The following DLGAP2 variants were observed in gnomAD, a reference collection of about 807,000 sequenced individuals.
The protein encoded by DLGAP2 is disks large-associated protein 2.
DLGAP2 carries 26 observed loss-of-function variants against 100.3 expected under a neutral mutation model. The observed-to-expected ratio is 0.26, with a 90% CI of 0.19 to 0.36. DLGAP2 has a LOEUF of 0.36. Ranked by LOEUF, DLGAP2 falls within the 10% of genes least tolerant of loss-of-function variation. The pLI is 1.00. For missense variants in DLGAP2, 1,858 were observed against 1,453.2 expected (o/e 1.28, Z -4.53); for synonymous variants, 886 against 630.1 (o/e 1.41, Z -6.08).
At chr8:1,505,876 T>C (rs1423366612) in intron 4 of DLGAP2, among the ~76,000 whole-genome samples, 1 of 152,218 alleles carries the variant, frequency 6.6e-6, no homozygotes, top group Non-Finnish European at 1.5e-5. Flanking sequence ...TTTATTTGCA[T>C]CTATGAAGAG....
At chr8:1,153,678 A>G (rs990335834) in intron 2 of DLGAP2, among the ~76,000 whole-genome samples, 2 of 152,230 alleles carry the variant, frequency 1.3e-5, no homozygotes, top group Non-Finnish European at 2.9e-5. Context: ...GAACTAATTC[A>G]TCAAAACTAG....
intron 3 of DLGAP2, among the ~76,000 whole-genome samples, chr8:1,457,586 G>C (rs1270299153): frequency 2.6e-5 from 4 of 152,174 alleles, no homozygotes; most frequent in Non-Finnish European, 5.9e-5. Context: ...TCGCAAACCA[G>C]CTTCATTTTG....
At chr8:1,648,991 G>A (rs1372246529) in intron 8 of DLGAP2, among the ~76,000 whole-genome samples, 2 of 152,188 alleles carry the variant, frequency 1.3e-5, no homozygotes, top group African/African-American at 2.4e-5. Context: ...GCCACCACGA[G>A]GTCATCCTTG....
intron 2 of DLGAP2, among the ~76,000 whole-genome samples, chr8:947,841 C>A (rs1413778360): frequency 6.6e-6 from 1 of 150,520 alleles, no homozygotes. Context: ...CTCCCGACCC[C>A]GTGCCAGCCC....
intron 2 of DLGAP2, among the ~76,000 whole-genome samples, chr8:1,099,720 C>T (rs1585058178): frequency 6.6e-6 from 1 of 152,184 alleles, no homozygotes; most frequent in Non-Finnish European, 1.5e-5. Flanking sequence ...TAAAAGTAGC[C>T]TGACATTTAG....
chr8:900,489 G>A (rs551919749), intron 1 of DLGAP2, among the ~76,000 whole-genome samples: 2 of 152,300 alleles, frequency 1.3e-5, no homozygotes, highest in Admixed American at 6.5e-5. Flanking sequence ...TGGTCTTGCC[G>A]GCATATAATT....
At chr8:1,548,537 G>A (rs1801629725) in intron 4 of DLGAP2, 89 bp from the exon 5 acceptor site, 2 of 1,015,326 alleles carry the variant, frequency 2.0e-6, no homozygotes, top group African/African-American at 1.7e-5. Flanking sequence ...ACTGATTAAT[G>A]AAGTCCACGG....
intron 2 of DLGAP2, among the ~76,000 whole-genome samples, chr8:977,502 T>C (rs1017413547): frequency 6.6e-6 from 1 of 152,236 alleles, no homozygotes; most frequent in Non-Finnish European, 1.5e-5. Context: ...GTAAGGTATA[T>C]TCAAAGCTGC....
intron 1 of DLGAP2, among the ~76,000 whole-genome samples, chr8:808,826 G>C (rs548010806): frequency 1.3e-5 from 2 of 151,506 alleles, no homozygotes; most frequent in South Asian, 2.1e-4. Context: ...TGAAATACTT[G>C]TTTAGCCAGT....
chr8:1,227,153 G>GAGATATATATATAT (rs1554506451), intron 2 of DLGAP2, among the ~76,000 whole-genome samples: 3 of 89,750 alleles, frequency 3.3e-5, no homozygotes, highest in African/African-American at 6.5e-5. Context: ...GAAACTGTGA[G>GAGATATATATATAT]ATATATATAT....
chr8:1,123,124 G>A (rs1464721941), intron 2 of DLGAP2, among the ~76,000 whole-genome samples: 1 of 152,196 alleles, frequency 6.6e-6, no homozygotes, highest in Non-Finnish European at 1.5e-5. Flanking sequence ...CAGAGAATAA[G>A]TTTCGCTCAG....
At chr8:982,377 C>T (rs1310032025) in intron 2 of DLGAP2, among the ~76,000 whole-genome samples, 1 of 152,184 alleles carries the variant, frequency 6.6e-6, no homozygotes, top group African/African-American at 2.4e-5. Flanking sequence ...ATTTTTGTGG[C>T]TTCTTTACTC....
At chr8:1,060,754 G>C (rs1803056527) in intron 2 of DLGAP2, among the ~76,000 whole-genome samples, 1 of 152,176 alleles carries the variant, frequency 6.6e-6, no homozygotes, top group South Asian at 2.1e-4. Flanking sequence ...GCATCCTGTG[G>C]GCTGCCTTTT....
At chr8:789,138 C>T (rs1390326970) in intron 1 of DLGAP2, among the ~76,000 whole-genome samples, 1 of 152,202 alleles carries the variant, frequency 6.6e-6, no homozygotes, top group Non-Finnish European at 1.5e-5. Context: ...CTGTCTAGAG[C>T]TTGTCCTTCT....
At chr8:1,214,244 C>A (rs1023121334) in intron 2 of DLGAP2, among the ~76,000 whole-genome samples, 1 of 152,214 alleles carries the variant, frequency 6.6e-6, no homozygotes, top group Non-Finnish European at 1.5e-5. Context: ...AGCAAGTCCT[C>A]TCCCAACCAA....
chr8:787,969 C>T lies in DLGAP2; in HGVS notation c.18+50144C>T, dbSNP rs148011946. The stretch of plus-strand genomic sequence containing the variant: ...CAGGTCTGGCGTCCCTGTCCACCTC[C>T]AAGCCAGGATGCTCTGTGGCTCAGG... On this transcript the variant is annotated intron_variant, in intron 1 of 14. Transcript: ENST00000637795. Among the ~76,000 whole-genome samples the T allele has an allele frequency of 1.8e-3, 216 of 121,604 alleles. 3 individuals are homozygous for T. In the East Asian group the frequency reaches 0.035, roughly 20 times the overall value. 79.8% of individuals were successfully genotyped at this position (121,604 alleles called of 152,430 possible).
chr8:1,274,114 T>C (rs1035315463), intron 3 of DLGAP2, among the ~76,000 whole-genome samples: 85 of 152,214 alleles, frequency 5.6e-4, no homozygotes, highest in African/African-American at 1.9e-3. Flanking sequence ...GTCAGATTTT[T>C]TTACATTTAT....
intron 2 of DLGAP2, among the ~76,000 whole-genome samples, chr8:1,017,652 C>T (rs559118823): frequency 1.3e-5 from 2 of 152,260 alleles, no homozygotes; most frequent in South Asian, 2.1e-4. Flanking sequence ...ATGACACCTC[C>T]ACTGTGTGTG....
At chr8:976,599 A>C (rs1338580160) in intron 2 of DLGAP2, among the ~76,000 whole-genome samples, 1 of 152,068 alleles carries the variant, frequency 6.6e-6, no homozygotes, top group African/African-American at 2.4e-5. Context: ...GCGACAGAGC[A>C]AGACTCTGTC....
Sources: allele counts gnomAD v4.1 joint callset (sites outside exome capture counted in the v4.1 genomes callset), GRCh38; gene constraint gnomAD v4.1.1; transcripts MANE v1.5; gene names NCBI Gene and HGNC (gene_info 2026-07-23, HGNC 2026-07-21).